The following RBFOX3 variants were observed in gnomAD, a reference collection of about 807,000 sequenced individuals.
RBFOX3 encodes RNA binding protein fox-1 homolog 3.
A neutral mutation model predicts 48.7 loss-of-function variants in RBFOX3; 17 were observed. The observed-to-expected ratio is 0.35, with a 90% CI of 0.24 to 0.52. The LOEUF (loss-of-function observed/expected upper bound fraction) is 0.52. Ranked by LOEUF, RBFOX3 falls within the 20% of genes least tolerant of loss-of-function variation. The pLI, the probability that RBFOX3 is intolerant of heterozygous loss-of-function variation, is 0.94. For synonymous variants in RBFOX3, 212 were observed against 209.5 expected (o/e 1.01, Z -0.10); for missense variants, 382 against 497.5 (o/e 0.77, Z 2.21).
rs552071394 is a variant in RBFOX3 at position 79,278,148 on chromosome 17, G to A, written c.-74+29576C>T. ...CCCAGGAAGGCTGGGAGGCTGGCCC[G>A]TGGCAGCCATGGGGGGCCTCGGGGG... On this transcript the variant is annotated intron_variant, in intron 3 of 14. Transcript: ENST00000693108. 3.3e-5 allele frequency among the ~76,000 whole-genome samples: 5 copies of A among 152,338 alleles called. No individual in the cohort carries two copies. The East Asian group carries it at 5.8e-4, about 18-fold the overall frequency.
chr17:79,206,405 C>A (rs574242821), intron 4 of RBFOX3, among the ~76,000 whole-genome samples: 5 of 152,164 alleles, frequency 3.3e-5, no homozygotes, highest in Non-Finnish European at 7.4e-5. Flanking sequence ...TACACTGTGG[C>A]GGATAAGGCT....
At chr17:79,601,323 A>G in intron 1 of RBFOX3, 1 of 152,352 alleles carries the variant, frequency 6.6e-6, no homozygotes, top group East Asian at 1.9e-4. Flanking sequence ...GGGGCACAGG[A>G]TCCTCTCTTA....
At chr17:79,649,035 G>A in the RBFOX3 span, among the ~76,000 whole-genome samples, 1 of 146,470 alleles carries the variant, frequency 6.8e-6, no homozygotes, top group Non-Finnish European at 1.5e-5. Flanking sequence ...CTGGAGTGCA[G>A]AGCTACAATT....
chr17:79,317,305 A>G (rs1356558226), intron 2 of RBFOX3, among the ~76,000 whole-genome samples: 3 of 152,188 alleles, frequency 2.0e-5, no homozygotes, highest in Non-Finnish European at 4.4e-5. Context: ...TTCTTTTCAA[A>G]CAGAACGGCC....
the RBFOX3 span, among the ~76,000 whole-genome samples, chr17:79,652,614 A>G: frequency 2.0e-3 from 75 of 36,944 alleles, no homozygotes; most frequent in Middle Eastern, 0.029. Context: ...AAGGAAAGGA[A>G]AGGAAAGGGA....
intron 2 of RBFOX3, among the ~76,000 whole-genome samples, chr17:79,416,226 G>A (rs1191938775): frequency 6.6e-6 from 1 of 152,322 alleles, no homozygotes; most frequent in South Asian, 2.1e-4. Flanking sequence ...GGGAGCAGCT[G>A]GAATCACCTG....
At chr17:79,182,849 C>G (rs1485729963) in intron 4 of RBFOX3, among the ~76,000 whole-genome samples, 1 of 151,244 alleles carries the variant, frequency 6.6e-6, no homozygotes, top group Non-Finnish European at 1.5e-5. Context: ...GCGCGCCCCC[C>G]GGCTTTCCCG....
At chr17:79,217,798 T>C (rs2059241522) in intron 4 of RBFOX3, among the ~76,000 whole-genome samples, 1 of 151,672 alleles carries the variant, frequency 6.6e-6, no homozygotes, top group African/African-American at 2.4e-5. Flanking sequence ...TTTTTTTAGG[T>C]GGAACAAGCC....
intron 3 of RBFOX3, among the ~76,000 whole-genome samples, chr17:79,307,155 G>A (rs1161330665): frequency 6.6e-6 from 1 of 152,248 alleles, no homozygotes; most frequent in Non-Finnish European, 1.5e-5. Context: ...GCCACCTCGG[G>A]GCGCGGAAGG....
At position 79,264,798 on chromosome 17, in the gene RBFOX3, C is replaced by T. The variant is rs533718844; in HGVS notation, c.-73-28993G>A. Among the ~76,000 whole-genome samples the T allele has an allele frequency of 2.5e-3, 383 of 152,246 alleles. 1 individual carries two copies. Among genetic ancestry groups the T allele is most frequent in the Non-Finnish European group, 4.2e-3 (286 of 68,026 alleles). ...ATACTGCCAGAGGCGGTGTGCCCCA[C>T]GAACCGGGCCTCGACTTCCCCATGT... is the stretch of plus-strand genomic sequence containing the variant. On this transcript the variant is annotated intron_variant, in intron 3 of 14. Coordinates refer to ENST00000693108, the MANE Select transcript of RBFOX3 (RefSeq NM_001350451.2).
chr17:79,543,023 C>A (rs1375570949), intron 1 of RBFOX3, among the ~76,000 whole-genome samples: 1 of 152,100 alleles, frequency 6.6e-6, no homozygotes, highest in African/African-American at 2.4e-5. Context: ...CAGGTCCAGG[C>A]AGGCACAGAC....
At chr17:79,373,168 C>T (rs761783836) in intron 2 of RBFOX3, among the ~76,000 whole-genome samples, 5 of 152,210 alleles carry the variant, frequency 3.3e-5, no homozygotes, top group Admixed American at 2.0e-4. Flanking sequence ...ACAAATGCAC[C>T]GGACTCCCCC....
chr17:79,165,372 C>T (rs552664838), intron 4 of RBFOX3, among the ~76,000 whole-genome samples: 4 of 152,302 alleles, frequency 2.6e-5, no homozygotes, highest in South Asian at 2.1e-4. Flanking sequence ...AATGAAGTGC[C>T]GGCTCCTCAT....
Position 79,421,949 on chromosome 17 carries a change from C to T in RBFOX3, c.-175+60505G>A, listed in dbSNP as rs553980859. Among the ~76,000 whole-genome samples, 3 of 152,250 alleles carry T rather than the reference C, an allele frequency of 2.0e-5. No homozygotes were observed. In the East Asian group the frequency reaches 5.8e-4, roughly 30 times the overall value. On this transcript the variant is annotated intron_variant, in intron 2 of 14. Coordinates refer to ENST00000693108, the MANE Select transcript of RBFOX3 (RefSeq NM_001350451.2). The surrounding 1 kb of genome is among the most constrained non-coding windows in gnomAD (Gnocchi z 4.5). ...CCCATGTTCCACAGGCTCAGCAGCT[C>T]CCAACAGAATTCTAGGTGCTGCCCG...
At chr17:79,617,416 A>G in the RBFOX3 span, among the ~76,000 whole-genome samples, 2 of 151,460 alleles carry the variant, frequency 1.3e-5, no homozygotes, top group Non-Finnish European at 2.9e-5. Flanking sequence ...CCACGTCCAC[A>G]CCCACGGACA....
chr17:79,613,074 A>G (rs1401084470), upstream of RBFOX3, among the ~76,000 whole-genome samples: 10 of 152,218 alleles, frequency 6.6e-5, no homozygotes, highest in Non-Finnish European at 1.5e-5. Context: ...GTGGGGACAC[A>G]TTGACCTGGC....
intron 13 of RBFOX3, among the ~76,000 whole-genome samples, chr17:79,095,217 C>G (rs1165974954): frequency 6.6e-6 from 1 of 151,396 alleles, no homozygotes; most frequent in Non-Finnish European, 1.5e-5. Flanking sequence ...GCCTCCAAGA[C>G]AGACAGCCAC....
At chr17:79,555,504 G>GATAATA (rs2091619978) in intron 1 of RBFOX3, among the ~76,000 whole-genome samples, 1 of 140,942 alleles carries the variant, frequency 7.1e-6, no homozygotes, top group East Asian at 2.5e-4. Flanking sequence ...TGGTGGTGGT[G>GATAATA]GTGGTGATGG....
chr17:79,171,450 C>T (rs1158441087), intron 4 of RBFOX3, among the ~76,000 whole-genome samples: 1 of 152,092 alleles, frequency 6.6e-6, no homozygotes, highest in Non-Finnish European at 1.5e-5. Flanking sequence ...TCATTTCTGC[C>T]GTCGCCAGGC....
Sources: gnomAD v4.1 joint callset for allele counts (sites outside exome capture counted in the v4.1 genomes callset) on GRCh38, gnomAD v4.1.1 for gene constraint, Gnocchi (gnomAD v3.1) non-coding constraint, MANE v1.5 for transcripts, NCBI Gene and HGNC (gene_info 2026-07-23, HGNC 2026-07-21) for gene names.